Variants in XIRP2 observed in about 807,000 individuals in gnomAD.
The protein encoded by XIRP2 is xin actin-binding repeat-containing protein 2.
XIRP2 carries 236 observed loss-of-function variants against 277.0 expected under a neutral mutation model. The observed-to-expected ratio is 0.85, with a 90% CI of 0.77 to 0.95. The LOEUF is 0.95. Among genes scored for constraint, XIRP2 ranks in the 40% least tolerant of loss-of-function variants. The pLI is 0.00. For missense variants in XIRP2, 4,640 were observed against 4,157.5 expected, an observed-to-expected ratio of 1.12 and a Z score of -3.19; for synonymous variants, 1,490 against 1,416.5, an observed-to-expected ratio of 1.05 and a Z score of -1.17.
chr2:167,105,532 A>C (rs1574259587), intron 2 of XIRP2, among the ~76,000 whole-genome samples: 1 of 152,060 alleles, frequency 6.6e-6, no homozygotes, highest in East Asian at 1.9e-4. Flanking sequence ...TAGACATACC[A>C]GATTGTTTAA....
intron 1 of XIRP2, among the ~76,000 whole-genome samples, chr2:166,897,337 C>G (rs1405323174): frequency 6.6e-6 from 1 of 152,096 alleles, no homozygotes; most frequent in Non-Finnish European, 1.5e-5. Flanking sequence ...ATTCCCTGAT[C>G]AGGGAATATG....
intron 2 of XIRP2, among the ~76,000 whole-genome samples, chr2:166,928,174 GTAGT>G (rs1328537489): frequency 1.3e-5 from 2 of 152,088 alleles, no homozygotes; most frequent in Non-Finnish European, 2.9e-5. Flanking sequence ...TAAAATGAGC[GTAGT>G]TAAAGATAAG....
chr2:167,245,428 G>T lies in XIRP2; in HGVS notation c.4036G>T (p.Asp1346Tyr). The T allele has an allele frequency of 6.2e-7, 1 of 1,613,686 alleles. No individual in the cohort carries two copies. Among genetic ancestry groups the T allele is most frequent in the Non-Finnish European group, 8.5e-7 (1 of 1,179,738 alleles). ...TVKKEEVIHG[D>Y]VRGTRWLFET... ...TAAAAAAGAAGAGGTAATTCATGGA[G>T]ATGTGCGAGGAACAAGGTGGCTTTT... Residue 1346 changes from aspartate (D) to tyrosine (Y), a missense_variant, in exon 9 of 11, where the codon GAT (aspartate) becomes TAT (tyrosine). Coordinates refer to ENST00000409195, the MANE Select transcript of XIRP2 (RefSeq NM_152381.6).
Position 167,251,057 on chromosome 2 carries a change from G to T in XIRP2, c.9665G>T (p.Arg3222Leu). Residue 3222 changes from arginine to leucine, a missense_variant, in exon 9 of 11, where the codon CGT becomes CTT. Arg to Leu is a moderately radical substitution (Grantham distance 102). Coordinates refer to ENST00000409195, the MANE Select transcript of XIRP2 (RefSeq NM_152381.6). Reference protein sequence around the residue: ...SEIIMSPATLRRQIKIETRGR... With the variant: ...SEIIMSPATLLRQIKIETRGR... ...ATCATCATGTCTCCTGCAACACTTCGTCGTCAAATTAAGATAGAAACTCGT... is the reference window on the plus strand; with the variant it reads ...ATCATCATGTCTCCTGCAACACTTCTTCGTCAAATTAAGATAGAAACTCGT... The T allele has an allele frequency of 6.2e-7, 1 of 1,613,582 alleles. No individual in the cohort carries two copies.
At chr2:167,088,218 C>T (rs1558975436) in intron 2 of XIRP2, among the ~76,000 whole-genome samples, 1 of 152,074 alleles carries the variant, frequency 6.6e-6, no homozygotes, top group Non-Finnish European at 1.5e-5. Flanking sequence ...TTTATGTATG[C>T]TCCTTTCCCT....
intron 3 of XIRP2, among the ~76,000 whole-genome samples, chr2:167,156,417 A>C (rs529892420): frequency 2.0e-5 from 3 of 152,332 alleles, no homozygotes; most frequent in African/African-American, 7.2e-5. Context: ...ACTAGTTTTA[A>C]CAGCAATTTA....
chr2:166,937,636 T>A (rs1035474706), intron 2 of XIRP2, among the ~76,000 whole-genome samples: 2 of 152,188 alleles, frequency 1.3e-5, no homozygotes, highest in Non-Finnish European at 2.9e-5. Context: ...GATTCCCTCT[T>A]TTTCTATTGA....
At position 167,258,341 on chromosome 2, in the gene XIRP2, T is replaced by C; in HGVS notation, c.*524T>C. 1 of 1,613,392 alleles carries C rather than the reference T, an allele frequency of 6.2e-7. No homozygotes were observed. Among genetic ancestry groups the C allele is most frequent in the Middle Eastern group, 1.7e-4 (1 of 6,054 alleles). ...AGGACAAAGACAAGATCACTTTCCA[T>C]TTTTGCAGCCTTATCTACAGTCCAC... On this transcript the variant is annotated 3_prime_UTR_variant, in exon 11 of 11. Coordinates refer to ENST00000409195, the MANE Select transcript of XIRP2 (RefSeq NM_152381.6).
chr2:167,243,164 A>G lies in XIRP2; in HGVS notation c.1772A>G (p.Asn591Ser). The G allele has an allele frequency of 1.9e-6, 3 of 1,614,158 alleles. No homozygotes were observed. Among genetic ancestry groups the G allele is most frequent in the South Asian group, 1.1e-5 (1 of 91,080 alleles). The part of the protein sequence containing the change: ...FENQPLDSIN[N>S]GSPDEGDISR... ...AATCAACCATTGGATTCCATCAACA[A>G]TGGCTCTCCTGATGAAGGTGATATT... The change falls in exon 9 of 11, where the codon AAT becomes AGT. Residue 591 changes from asparagine (N) to serine (S), a missense_variant. Asn to Ser is a conservative substitution (Grantham distance 46). Transcript: ENST00000409195.
At chr2:167,128,546 C>A (rs540038032) in intron 2 of XIRP2, among the ~76,000 whole-genome samples, 1 of 152,220 alleles carries the variant, frequency 6.6e-6, no homozygotes, top group African/African-American at 2.4e-5. Flanking sequence ...GTTTTGGTAT[C>A]CGGGGCGGTC....
rs186709976 is a variant in XIRP2, at chr2:167,253,081, C to T, written c.10556-951C>T. 2.6e-5 allele frequency among the ~76,000 whole-genome samples: 4 copies of T among 151,988 alleles called. No homozygotes were observed. In the East Asian group the frequency reaches 7.8e-4, roughly 30 times the overall value. On this transcript the variant is annotated intron_variant, in intron 9 of 10. Transcript: ENST00000409195. ...CAGTGGCCCAGATTGACCATCTAGG[C>T]ACTAAAGTAGATATAATTATTTGTA...
chr2:167,015,156 T>G (rs1687786503), intron 2 of XIRP2, among the ~76,000 whole-genome samples: 1 of 151,888 alleles, frequency 6.6e-6, no homozygotes, highest in South Asian at 2.1e-4. Context: ...ACACTAAATT[T>G]AACATAGATT....
chr2:167,257,822 T>C (rs1695703291), intron 10 of XIRP2, 35 bp from the exon 11 acceptor site: 3 of 1,547,108 alleles, frequency 1.9e-6, no homozygotes, highest in African/African-American at 1.4e-5. Flanking sequence ...TTACAGTAAA[T>C]ACGAACTGCT....
chr2:167,155,510 A>C (rs1318306589), intron 3 of XIRP2, among the ~76,000 whole-genome samples: 4 of 152,188 alleles, frequency 2.6e-5, no homozygotes, highest in Admixed American at 6.5e-5. Context: ...TGATTATCTC[A>C]ATAGATGCAT....
intron 2 of XIRP2, among the ~76,000 whole-genome samples, chr2:167,105,181 C>T (rs1690584804): frequency 6.6e-6 from 1 of 151,922 alleles, no homozygotes; most frequent in Admixed American, 6.6e-5. Flanking sequence ...CAATTTCCCT[C>T]AATGGTAACA....
Position 167,061,830 on chromosome 2 carries a change from A to G in XIRP2, c.409-74079A>G, listed in dbSNP as rs75175359. 3.5e-3 allele frequency among the ~76,000 whole-genome samples: 530 copies of G among 152,126 alleles called. 30 individuals carry two copies. The East Asian group carries it at 0.092, about 26-fold the overall frequency. The stretch of plus-strand genomic sequence containing the variant: ...CAAGGAAGAGTTTCCCTTCGAGCTT[A>G]CAGAGAAAGTATGAGCCTGATGACA... On this transcript the variant is annotated intron_variant, in intron 2 of 10. Coordinates refer to ENST00000409195, the MANE Select transcript of XIRP2 (RefSeq NM_152381.6).
chr2:167,067,066 G>A (rs1039381898), intron 2 of XIRP2, among the ~76,000 whole-genome samples: 2 of 151,762 alleles, frequency 1.3e-5, no homozygotes, highest in African/African-American at 4.8e-5. Flanking sequence ...TTGAATCTGC[G>A]AGTTTATAGT....
chr2:167,131,497 G>T lies in XIRP2; in HGVS notation c.409-4412G>T, dbSNP rs139854638. ...GTCACTCTCTCACCCACTTCAAATT[G>T]CCTTCCAACCTTTGTACTTCCAAGG... On this transcript the variant is annotated intron_variant, in intron 2 of 10. Transcript: ENST00000409195. 2.3e-3 allele frequency among the ~76,000 whole-genome samples: 346 copies of T among 152,146 alleles called. 4 individuals carry two copies. Among genetic ancestry groups the T allele is most frequent in the African/African-American group, 7.8e-3 (323 of 41,508 alleles).
intron 2 of XIRP2, among the ~76,000 whole-genome samples, chr2:167,023,338 A>G (rs1399750433): frequency 9.9e-5 from 15 of 151,826 alleles, no homozygotes; most frequent in African/African-American, 2.2e-4. Flanking sequence ...TGAGTTCATT[A>G]TAGATTCTGG....
Sources: allele counts gnomAD v4.1 joint callset (sites outside exome capture counted in the v4.1 genomes callset), GRCh38; gene constraint gnomAD v4.1.1; transcripts MANE v1.5; gene names NCBI Gene and HGNC (gene_info 2026-07-23, HGNC 2026-07-21).